ADK: variants seen among roughly 807,000 people sequenced by gnomAD.
ADK encodes the protein N6,N6-dimethyladenosine kinase.
In ADK, 24 loss-of-function variants were observed where a neutral mutation model predicts 44.7. The ratio of observed to expected loss-of-function variants is 0.54; its 90% CI spans 0.39 to 0.76. ADK has a LOEUF of 0.76. ADK is among the 30% of genes least tolerant of loss of function. ADK has a pLI of 0.00. For synonymous variants in ADK, 128 were observed against 142.6 expected (o/e 0.90, Z 0.73); for missense variants, 321 against 425.1 (o/e 0.76, Z 2.15).
intron 9 of ADK, among the ~76,000 whole-genome samples, chr10:74,614,638 G>GTA (rs1202420145): frequency 6.6e-6 from 1 of 152,060 alleles, no homozygotes; most frequent in African/African-American, 2.4e-5. Context: ...GAACCACTCA[G>GTA]TATGTAGACT....
intron 3 of ADK, among the ~76,000 whole-genome samples, chr10:74,303,830 G>A (rs1441138889): frequency 1.3e-5 from 2 of 151,806 alleles, no homozygotes; most frequent in Non-Finnish European, 2.9e-5. Flanking sequence ...TTAGCTGGGT[G>A]TGGTGGCTGG....
intron 6 of ADK, among the ~76,000 whole-genome samples, chr10:74,446,338 T>C (rs1432691825): frequency 3.9e-5 from 6 of 152,106 alleles, no homozygotes; most frequent in African/African-American, 1.2e-4. Flanking sequence ...GGAGATATGA[T>C]ATGCAACTTT....
intron 4 of ADK, among the ~76,000 whole-genome samples, chr10:74,385,220 C>A (rs578123252): frequency 2.0e-5 from 3 of 152,164 alleles, no homozygotes; most frequent in Admixed American, 6.5e-5. Flanking sequence ...TTATAGTAGT[C>A]TAATTGAGAG....
At position 74,609,251 on chromosome 10, in the gene ADK, C is replaced by T. The variant is rs567929534; in HGVS notation, c.877+8758C>T. ...CCCCTTTCCAGGGGAGTGAACAGTT[C>T]TGTCTCGCTGGCGTTCCACACGCCA... is the stretch of plus-strand genomic sequence containing the variant. On this transcript the variant is annotated intron_variant, in intron 9 of 10. Coordinates refer to ENST00000539909, the MANE Select transcript of ADK (RefSeq NM_006721.4). Among the ~76,000 whole-genome samples the T allele has an allele frequency of 4.6e-5, 7 of 152,280 alleles. No homozygotes were observed. In the East Asian group the frequency reaches 1.2e-3, roughly 25 times the overall value.
intron 6 of ADK, among the ~76,000 whole-genome samples, chr10:74,513,860 G>T (rs1848451782): frequency 6.6e-6 from 1 of 152,076 alleles, no homozygotes; most frequent in African/African-American, 2.4e-5. Context: ...CTAGTGAAAA[G>T]GTTTGATTCC....
chr10:74,673,061 A>G (rs1366324137), intron 10 of ADK, among the ~76,000 whole-genome samples: 1 of 152,230 alleles, frequency 6.6e-6, no homozygotes, highest in East Asian at 1.9e-4. Flanking sequence ...GTTTTGCCAG[A>G]GAATCTTCCT....
At chr10:74,212,333 C>A (rs924734395) in intron 2 of ADK, among the ~76,000 whole-genome samples, 1 of 152,166 alleles carries the variant, frequency 6.6e-6, no homozygotes, top group Admixed American at 6.5e-5. Context: ...CTTTTTGGAG[C>A]ATATGTTTTA....
intron 1 of ADK, among the ~76,000 whole-genome samples, chr10:74,153,913 T>C (rs1484713483): frequency 2.0e-5 from 3 of 152,192 alleles, no homozygotes; most frequent in Non-Finnish European, 4.4e-5. Flanking sequence ...TTCAAGTACA[T>C]GCTATTTTAG....
At position 74,271,878 on chromosome 10, in the gene ADK, G is replaced by T. The variant is rs1265803425; in HGVS notation, c.195-42789G>T. Among the ~76,000 whole-genome samples the T allele has an allele frequency of 2.6e-5, 4 of 151,694 alleles. No homozygotes were observed. In the South Asian group the frequency reaches 8.3e-4, roughly 32 times the overall value. On this transcript the variant is annotated intron_variant, in intron 3 of 10. Coordinates refer to ENST00000539909, the MANE Select transcript of ADK (RefSeq NM_006721.4). ...AAAGCTGCTTCATATTTTCATATTA[G>T]CTTGAACTTTCCATTGATATGTCAA... is the stretch of plus-strand genomic sequence containing the variant.
chr10:74,236,115 A>G (rs1204054435), intron 3 of ADK, among the ~76,000 whole-genome samples: 1 of 152,214 alleles, frequency 6.6e-6, no homozygotes, highest in Non-Finnish European at 1.5e-5. Context: ...AAACCATTTT[A>G]TATTAAATTG....
intron 9 of ADK, among the ~76,000 whole-genome samples, chr10:74,623,323 C>A (rs1472352421): frequency 6.6e-6 from 1 of 152,086 alleles, no homozygotes; most frequent in Admixed American, 6.6e-5. Context: ...CAGTATCCCT[C>A]AAAATTTATA....
At chr10:74,220,486 T>C (rs566960504) in intron 2 of ADK, among the ~76,000 whole-genome samples, 54 of 151,940 alleles carry the variant, frequency 3.6e-4, no homozygotes, top group African/African-American at 1.2e-3. Context: ...TTCCAATCAA[T>C]AGAAAAAGAG....
In ADK at chr10:74,186,175, A is replaced by T. The variant is rs150207893; in HGVS notation, c.66-14589A>T. On this transcript the variant is annotated intron_variant, in intron 1 of 10. Transcript: ENST00000539909. ...TCTCAGTATAATTTACCTAAAGTCA[A>T]ATCAGCCTTCCCTTTCCTTCCCTTC... Among the ~76,000 whole-genome samples, 4 of 149,080 alleles carry T rather than the reference A, an allele frequency of 2.7e-5. No individual in the cohort carries two copies. The East Asian group carries it at 8.3e-4, about 31-fold the overall frequency.
chr10:74,335,205 C>G (rs1414944210), intron 4 of ADK, among the ~76,000 whole-genome samples: 2 of 152,124 alleles, frequency 1.3e-5, no homozygotes, highest in Admixed American at 6.5e-5. Context: ...TCCAATTTAG[C>G]CTCTTATACT....
At chr10:74,504,970 AT>A (rs1401501120) in intron 6 of ADK, among the ~76,000 whole-genome samples, 1 of 151,944 alleles carries the variant, frequency 6.6e-6, no homozygotes, top group Non-Finnish European at 1.5e-5. Flanking sequence ...TAATACATTT[AT>A]TGTTCATTAA....
chr10:74,639,785 G>A (rs561665153), intron 9 of ADK, among the ~76,000 whole-genome samples: 8 of 152,242 alleles, frequency 5.3e-5, no homozygotes, highest in East Asian at 1.9e-4. Flanking sequence ...GCGGTGAGCC[G>A]AGATCTCGCT....
At chr10:74,352,515 CAA>C (rs1210559790) in intron 4 of ADK, among the ~76,000 whole-genome samples, 1 of 152,160 alleles carries the variant, frequency 6.6e-6, no homozygotes, top group Non-Finnish European at 1.5e-5. Flanking sequence ...TAGGCATGGG[CAA>C]AGACTTCATG....
At chr10:74,685,130 C>T (rs560573295) in intron 10 of ADK, among the ~76,000 whole-genome samples, 1 of 152,012 alleles carries the variant, frequency 6.6e-6, no homozygotes, top group African/African-American at 2.4e-5. Flanking sequence ...AATCACCCAC[C>T]TAGAAAATGA....
intron 4 of ADK, among the ~76,000 whole-genome samples, chr10:74,339,717 C>A (rs1841522862): frequency 6.6e-6 from 1 of 152,092 alleles, no homozygotes; most frequent in Non-Finnish European, 1.5e-5. Flanking sequence ...CTTAAGTGTG[C>A]AAATAAATTA....
Sources: gnomAD v4.1 joint callset for allele counts (sites outside exome capture counted in the v4.1 genomes callset) on GRCh38, gnomAD v4.1.1 for gene constraint, MANE v1.5 for transcripts, NCBI Gene and HGNC (gene_info 2026-07-23, HGNC 2026-07-21) for gene names.